ANKRD11: variants seen among roughly 807,000 people sequenced by gnomAD.
ANKRD11 encodes ankyrin repeat domain-containing protein 11.
A neutral mutation model predicts 195.7 loss-of-function variants in ANKRD11; 17 were observed. That is an observed-to-expected ratio of 0.09 (90% CI 0.06 to 0.13). The LOEUF (loss-of-function observed/expected upper bound fraction) is 0.13, where lower values mean the gene tolerates loss of function less well. ANKRD11 is among the 10% of genes least tolerant of loss of function. ANKRD11 has a pLI of 1.00. For missense variants in ANKRD11, 3,735 were observed against 3,566.1 expected (o/e 1.05, Z -1.21); for synonymous variants, 1,953 against 1,528.1 (o/e 1.28, Z -6.49).
chr16:89,443,319 T>C (rs758422433), intron 1 of ANKRD11: 1 of 150,640 alleles, frequency 6.6e-6, no homozygotes, highest in Non-Finnish European at 1.5e-5. Context: ...AAGCATGGCA[T>C]GCTTGCTTTG....
rs773848887 is a variant in ANKRD11, at chr16:89,280,786, G to C, written c.5756C>G (p.Ala1919Gly). ...PDLDTSEDQQ[A>G]TAAIIPPEPS... ...CTCCGGGGGGATGATGGCGGCCGTC[G>C]CCTGCTGGTCCTCGGAGGTGTCCAG... Residue 1919 changes from alanine to glycine, a missense_variant, in exon 9 of 13, where the codon GCG becomes GGG. Transcript: ENST00000301030. 1 of 1,611,054 alleles carries C rather than the reference G, an allele frequency of 6.2e-7. No individual in the cohort carries two copies. The highest frequency in any genetic ancestry group is 8.5e-7 in the Non-Finnish European group (1 of 1,178,018).
At chr16:89,335,681 T>G (rs1291676119) in intron 2 of ANKRD11, among the ~76,000 whole-genome samples, 1 of 152,072 alleles carries the variant, frequency 6.6e-6, no homozygotes, top group Non-Finnish European at 1.5e-5. Context: ...AGCTGAGCCC[T>G]CAGGACACAG....
chr16:89,304,642 GCA>G (rs1172102925), intron 4 of ANKRD11, among the ~76,000 whole-genome samples: 1 of 151,060 alleles, frequency 6.6e-6, no homozygotes, highest in Non-Finnish European at 1.5e-5. Flanking sequence ...ATGAGGGCAT[GCA>G]CACAGATACA....
intron 2 of ANKRD11, among the ~76,000 whole-genome samples, chr16:89,374,406 C>G (rs1436474513): frequency 1.3e-5 from 2 of 152,072 alleles, no homozygotes; most frequent in Non-Finnish European, 2.9e-5. Flanking sequence ...TTCTGTTCTA[C>G]ATGGGCAGAG....
chr16:89,302,207 C>G (rs1310491418), intron 4 of ANKRD11, among the ~76,000 whole-genome samples: 5 of 152,252 alleles, frequency 3.3e-5, no homozygotes. Context: ...CAGCGCCCAG[C>G]AGCCTCCCGG....
rs781136937 is a variant in ANKRD11, at chr16:89,281,195, G to C, written c.5347C>G (p.Leu1783Val). 1 of 1,614,222 alleles carries C rather than the reference G, an allele frequency of 6.2e-7. No homozygotes were observed. ...ENASQAPARP[L>V]STNLYRSVSV... ...ACCGAGCGGTAAAGGTTTGTGGAGA[G>C]AGGCCTGGCAGGAGCCTGGCTGGCG... Residue 1783 changes from leucine (L) to valine (V), a missense_variant, in exon 9 of 13, where the codon CTC (leucine) becomes GTC (valine). By Grantham distance (32) the Leu-to-Val change is conservative (BLOSUM62 1). Coordinates refer to ENST00000301030, the MANE Select transcript of ANKRD11 (RefSeq NM_013275.6). The surrounding 1 kb of genome is among the most constrained non-coding windows in gnomAD (Gnocchi z 5.5).
At chr16:89,325,983 G>A (rs190097558) in intron 2 of ANKRD11, among the ~76,000 whole-genome samples, 1 of 152,310 alleles carries the variant, frequency 6.6e-6, no homozygotes, top group African/African-American at 2.4e-5. Context: ...ACACACTGCA[G>A]GGCACCCACT....
In ANKRD11 at chr16:89,296,430, A is replaced by G. The variant is rs998686390; in HGVS notation, c.227-5247T>C. Reference sequence around the variant, plus strand: ...GTCTCACTTTCTTTCTGTGCTCCAGAGTCTAGGCAATCTCTTTTGTTAGAA... The same window carrying G: ...GTCTCACTTTCTTTCTGTGCTCCAGGGTCTAGGCAATCTCTTTTGTTAGAA... On this transcript the variant is annotated intron_variant, in intron 4 of 12. Transcript: ENST00000301030. Among the ~76,000 whole-genome samples, 4 of 152,122 alleles carry G rather than the reference A, an allele frequency of 2.6e-5. No individual in the cohort carries two copies. In the East Asian group the frequency reaches 5.8e-4, roughly 22 times the overall value.
chr16:89,359,702 G>A (rs1460786636), intron 2 of ANKRD11, among the ~76,000 whole-genome samples: 1 of 152,172 alleles, frequency 6.6e-6, no homozygotes, highest in Non-Finnish European at 1.5e-5. Flanking sequence ...CTGGGTAACT[G>A]TACAAGAGGC....
chr16:89,290,903 C>T (rs559061616), intron 5 of ANKRD11, 75 bp from the exon 6 acceptor site: 1 of 1,608,920 alleles, frequency 6.2e-7, no homozygotes, highest in Admixed American at 1.7e-5. Context: ...AGAGCCCAGG[C>T]CACCATCACG....
At chr16:89,339,643 T>C (rs1193071435) in intron 2 of ANKRD11, among the ~76,000 whole-genome samples, 3 of 152,238 alleles carry the variant, frequency 2.0e-5, no homozygotes, top group African/African-American at 4.8e-5. Context: ...CAATAGCTAA[T>C]GTTTCCTTTA....
At chr16:89,391,896 C>T (rs953305511) in intron 2 of ANKRD11, among the ~76,000 whole-genome samples, 2 of 152,256 alleles carry the variant, frequency 1.3e-5, no homozygotes, top group African/African-American at 4.8e-5. Context: ...TTAGCTCCCA[C>T]AATTTAGCCT....
chr16:89,472,775 T>C (rs531374745), intron 1 of ANKRD11, among the ~76,000 whole-genome samples: 2 of 152,068 alleles, frequency 1.3e-5, no homozygotes, highest in African/African-American at 4.8e-5. Flanking sequence ...TAAAAGATAA[T>C]TACAACACAA....
chr16:89,341,096 C>G (rs556173507), intron 2 of ANKRD11, among the ~76,000 whole-genome samples: 77 of 152,288 alleles, frequency 5.1e-4, no homozygotes, highest in Middle Eastern at 6.8e-3. Flanking sequence ...TAACCCAAGT[C>G]ATGTGGACTG....
At chr16:89,399,819 AG>A (rs1277024077) in intron 2 of ANKRD11, among the ~76,000 whole-genome samples, 1 of 152,074 alleles carries the variant, frequency 6.6e-6, no homozygotes, top group Non-Finnish European at 1.5e-5. Flanking sequence ...CTTTTTTTAA[AG>A]TGACCATCCT....
At chr16:89,448,142 CCCTTGCAGACACTGGGCA>C (rs2043890487) in intron 1 of ANKRD11, among the ~76,000 whole-genome samples, 1 of 145,282 alleles carries the variant, frequency 6.9e-6, no homozygotes, top group Non-Finnish European at 1.5e-5. Flanking sequence ...GTCACATGCA[CCCTTGCAGACACTGGGCA>C]CCTTGCAGAC....
chr16:89,470,622 G>T (rs1421702754), intron 1 of ANKRD11, among the ~76,000 whole-genome samples: 1 of 152,298 alleles, frequency 6.6e-6, no homozygotes, highest in Non-Finnish European at 1.5e-5. Context: ...AAGGCAGGTA[G>T]ATCACAAGGT....
intron 2 of ANKRD11, among the ~76,000 whole-genome samples, chr16:89,375,779 A>C (rs2152092116): frequency 6.6e-6 from 1 of 151,472 alleles, no homozygotes; most frequent in Admixed American, 6.6e-5. Context: ...AAAAAAAAAA[A>C]AAAAAAAAAA....
chr16:89,480,755 C>T (rs1597546854), intron 1 of ANKRD11, among the ~76,000 whole-genome samples: 2 of 152,224 alleles, frequency 1.3e-5, no homozygotes, highest in East Asian at 3.9e-4. Flanking sequence ...TATCTGAGGG[C>T]AAATACCAGT....
Sources: gnomAD v4.1 joint callset for allele counts (sites outside exome capture counted in the v4.1 genomes callset) on GRCh38, gnomAD v4.1.1 for gene constraint, Gnocchi (gnomAD v3.1) non-coding constraint, MANE v1.5 for transcripts, NCBI Gene and HGNC (gene_info 2026-07-23, HGNC 2026-07-21) for gene names.